Variants in SAMHD1 observed in about 807,000 individuals in gnomAD.
SAMHD1 encodes SAM and HD domain containing deoxynucleoside triphosphate triphosphohydrolase 1.
Under a neutral mutation model 79.6 loss-of-function variants are expected in SAMHD1, and 54 were observed. The ratio of observed to expected loss-of-function variants is 0.68; its 90% CI spans 0.55 to 0.85. The LOEUF (loss-of-function observed/expected upper bound fraction) is 0.85, where lower values mean the gene tolerates loss of function less well. Among genes scored for constraint, SAMHD1 ranks in the 40% least tolerant of loss-of-function variants. SAMHD1 has a pLI of 0.00. For missense variants in SAMHD1, 663 were observed against 782.7 expected, an observed-to-expected ratio of 0.85 and a Z score of 1.82; for synonymous variants, 260 against 264.1, an observed-to-expected ratio of 0.98 and a Z score of 0.15.
intron 10 of SAMHD1, chr20:36,912,126 C>T: frequency 3.6e-6 from 1 of 277,420 alleles, no homozygotes; most frequent in Non-Finnish European, 6.9e-6. Flanking sequence ...TCCTACCTCC[C>T]ATTCTCCTGA....
At chr20:36,947,485 G>A (rs1307275839) in intron 1 of SAMHD1, among the ~76,000 whole-genome samples, 2 of 131,606 alleles carry the variant, frequency 1.5e-5, no homozygotes, top group Admixed American at 7.7e-5. Context: ...AGGTGTGTGT[G>A]TGTGTGAGTG....
chr20:36,930,688 T>C, intron 5 of SAMHD1, 72 bp downstream of exon 5: 1 of 1,033,748 alleles, frequency 9.7e-7, no homozygotes, highest in East Asian at 2.4e-5. Context: ...GTTGATCTGA[T>C]TTTTTAACGT....
chr20:36,894,849 A>T (rs1990169380), intron 15 of SAMHD1, among the ~76,000 whole-genome samples: 1 of 151,732 alleles, frequency 6.6e-6, no homozygotes, highest in Non-Finnish European at 1.5e-5. Flanking sequence ...CTTTAAACTC[A>T]TCTCTATTTC....
In SAMHD1 at chr20:36,949,592, T is replaced by A. The variant is rs1047142492; in HGVS notation, c.208+1844A>T. Among the ~76,000 whole-genome samples the A allele has an allele frequency of 1.0e-3, 150 of 149,966 alleles. 2 individuals are homozygous for A. Among genetic ancestry groups the A allele is most frequent in the Non-Finnish European group, 3.4e-4 (23 of 67,560 alleles). The stretch of plus-strand genomic sequence containing the variant: ...CAACATGGTGAAACCCCATCTCTAC[T>A]AAAAATACAAAAAAATTAGCTGGGC... On this transcript the variant is annotated intron_variant, in intron 1 of 15. Transcript: ENST00000646673.
chr20:36,934,653 C>CTTTTTT (rs2063590518), intron 4 of SAMHD1: 1 of 105,254 alleles, frequency 9.5e-6, no homozygotes, highest in African/African-American at 3.4e-5. Context: ...TTTTCTTTTT[C>CTTTTTT]TTTCTTTTTT....
intron 1 of SAMHD1, among the ~76,000 whole-genome samples, chr20:36,948,730 G>T (rs1194382598): frequency 1.9e-5 from 2 of 104,302 alleles, no homozygotes; most frequent in African/African-American, 6.6e-5. Flanking sequence ...AGCCAGGTGT[G>T]GTGGTGGGCA....
intron 1 of SAMHD1, among the ~76,000 whole-genome samples, chr20:36,947,720 TGC>T (rs1298362052): frequency 6.6e-6 from 1 of 152,084 alleles, no homozygotes; most frequent in Non-Finnish European, 1.5e-5. Context: ...CAGGTTGGAG[TGC>T]AGTGGTGCGA....
At position 36,897,875 on chromosome 20, in the gene SAMHD1, C is replaced by T. The variant is rs779491090; in HGVS notation, c.1693G>A (p.Ala565Thr). The T allele has an allele frequency of 9.9e-6, 16 of 1,614,070 alleles. No homozygotes were observed. The highest frequency in any genetic ancestry group is 1.3e-5 in the Non-Finnish European group (15 of 1,180,036). ...KKVDRKSLYA[A>T]RQYFVQWCAD... is the part of the protein sequence containing the mutation. ...CACCACTGAACAAAATATTGTCTTG[C>T]GGCATACAAACTCTTTCTGTCCACC... The change falls in exon 15 of 16, where the codon GCA becomes ACA. Residue 565 changes from alanine (A) to threonine (T), a missense_variant. Ala to Thr is a moderately conservative substitution (Grantham distance 58). Coordinates refer to ENST00000646673, the MANE Select transcript of SAMHD1 (RefSeq NM_015474.4).
intron 11 of SAMHD1, among the ~76,000 whole-genome samples, chr20:36,909,680 CAAAA>C (rs56389967): frequency 8.3e-6 from 1 of 121,212 alleles, no homozygotes; most frequent in East Asian, 2.4e-4. Context: ...CACCCCCCTC[CAAAA>C]AAAAAAAAAA....
intron 5 of SAMHD1, among the ~76,000 whole-genome samples, chr20:36,930,468 G>A (rs1483526912): frequency 2.0e-5 from 3 of 151,662 alleles, no homozygotes; most frequent in African/African-American, 7.3e-5. Context: ...TCACTCCAGC[G>A]TGGGCAACAG....
chr20:36,906,414 GGTGACAGA>G (rs1215093605), intron 11 of SAMHD1, among the ~76,000 whole-genome samples: 1 of 152,174 alleles, frequency 6.6e-6, no homozygotes, highest in Non-Finnish European at 1.5e-5. Flanking sequence ...CTCCCACCTG[GGTGACAGA>G]GTGACACTAT....
intron 11 of SAMHD1, among the ~76,000 whole-genome samples, chr20:36,910,761 T>C (rs1355066152): frequency 6.6e-6 from 1 of 152,018 alleles, no homozygotes; most frequent in East Asian, 1.9e-4. Context: ...ATAATGTATA[T>C]TGAGTACTTA....
Position 36,905,506 on chromosome 20 carries a change from G to A in SAMHD1, c.1271-3C>T, listed in dbSNP as rs200101782. ...TAAAATCTCCAGAAAAATGTTATCT[G>A]CCAATTTAATGACATTTCAGTTATA... On this transcript the variant is annotated splice_polypyrimidine_tract_variant and splice_region_variant and intron_variant, in intron 11 of 15. Coordinates refer to ENST00000646673, the MANE Select transcript of SAMHD1 (RefSeq NM_015474.4). The A allele has an allele frequency of 1.3e-5, 20 of 1,597,534 alleles. No homozygotes were observed. In the East Asian group the frequency reaches 4.0e-4, roughly 32 times the overall value.
At chr20:36,908,995 T>C (rs1281073527) in intron 11 of SAMHD1, among the ~76,000 whole-genome samples, 1 of 152,174 alleles carries the variant, frequency 6.6e-6, no homozygotes, top group Admixed American at 6.5e-5. Context: ...AGAATCTTGC[T>C]CTGTTGCCTA....
At chr20:36,894,166 T>C (rs1238007169) in intron 15 of SAMHD1, 3 of 388,466 alleles carry the variant, frequency 7.7e-6, no homozygotes, top group Non-Finnish European at 1.4e-5. Flanking sequence ...CTCACCCCCA[T>C]GTTAAATTTT....
chr20:36,907,797 A>G (rs1265318743), intron 11 of SAMHD1, among the ~76,000 whole-genome samples: 2 of 151,970 alleles, frequency 1.3e-5, no homozygotes, highest in African/African-American at 2.4e-5. Flanking sequence ...ATATGGCATC[A>G]CTTGCATTAT....
Position 36,927,267 on chromosome 20 carries a change from C to T in SAMHD1, c.626-15G>A, listed in dbSNP as rs919758122. 6.8e-6 allele frequency: 11 copies of T among 1,610,080 alleles called. No individual in the cohort carries two copies. Among genetic ancestry groups the T allele is most frequent in the African/African-American group, 6.7e-5 (5 of 74,642 alleles). On this transcript the variant is annotated splice_polypyrimidine_tract_variant and intron_variant, in intron 5 of 15. Transcript: ENST00000646673. Reference sequence around the variant, plus strand: ...TGGCCCATGACCTTAAAAACAAAAGCAGCCTTAGAACAAGAAAAACATCTG... The same window carrying T: ...TGGCCCATGACCTTAAAAACAAAAGTAGCCTTAGAACAAGAAAAACATCTG...
intron 5 of SAMHD1, among the ~76,000 whole-genome samples, chr20:36,927,483 A>C (rs2063544300): frequency 6.6e-6 from 1 of 151,834 alleles, no homozygotes; most frequent in Non-Finnish European, 1.5e-5. Flanking sequence ...ACATCCAGCT[A>C]ATTTTGTATT....
At chr20:36,908,404 T>TAAAAATTAAAA (rs2063417765) in intron 11 of SAMHD1, among the ~76,000 whole-genome samples, 1 of 151,952 alleles carries the variant, frequency 6.6e-6, no homozygotes, top group Non-Finnish European at 1.5e-5. Flanking sequence ...CCACCAGGGC[T>TAAAAATTAAAA]AATTTTTAAA....
Sources: allele counts gnomAD v4.1 joint callset (sites outside exome capture counted in the v4.1 genomes callset), GRCh38; gene constraint gnomAD v4.1.1; transcripts MANE v1.5; gene names NCBI Gene and HGNC (gene_info 2026-07-23, HGNC 2026-07-21).